Variants in KITLG observed in about 807,000 individuals in gnomAD.
The protein encoded by KITLG is KIT ligand, also known as c-Kit ligand.
Under a neutral mutation model 34.1 loss-of-function variants are expected in KITLG, and 13 were observed. That is an observed-to-expected ratio of 0.38 (90% CI 0.25 to 0.61). The LOEUF is 0.61. Among genes scored for constraint, KITLG ranks in the 20% least tolerant of loss-of-function variants. The pLI, the probability that KITLG is intolerant of heterozygous loss-of-function variation, is 0.60. For synonymous variants in KITLG, 110 were observed against 104.0 expected (o/e 1.06, Z -0.35); for missense variants, 292 against 318.9 (o/e 0.92, Z 0.64).
chr12:88,501,862 A>T (rs1868872367), intron 9 of KITLG, among the ~76,000 whole-genome samples: 1 of 152,076 alleles, frequency 6.6e-6, no homozygotes, highest in Non-Finnish European at 1.5e-5. Flanking sequence ...GTTATTCATC[A>T]TTTATATGTG....
chr12:88,534,204 A>G (rs1353062776), intron 2 of KITLG, among the ~76,000 whole-genome samples: 2 of 152,132 alleles, frequency 1.3e-5, no homozygotes, highest in African/African-American at 4.8e-5. Flanking sequence ...TGTTAAGTCT[A>G]GACTAGAACT....
At chr12:88,539,566 T>G (rs1443043618) in intron 2 of KITLG, among the ~76,000 whole-genome samples, 1 of 151,826 alleles carries the variant, frequency 6.6e-6, no homozygotes, top group African/African-American at 2.4e-5. Context: ...ACCAACCAGG[T>G]GTATTACCTA....
intron 8 of KITLG, among the ~76,000 whole-genome samples, chr12:88,505,452 T>C (rs1206053755): frequency 6.6e-6 from 1 of 152,242 alleles, no homozygotes; most frequent in Non-Finnish European, 1.5e-5. Context: ...TTTCTTTCTC[T>C]GTATATGCAT....
At chr12:88,510,650 G>T (rs893839243) in intron 6 of KITLG, among the ~76,000 whole-genome samples, 1 of 152,130 alleles carries the variant, frequency 6.6e-6, no homozygotes, top group Admixed American at 6.6e-5. Context: ...TTATCATAAA[G>T]GATATTACTG....
At chr12:88,504,391 G>C (rs982927276) in intron 9 of KITLG, among the ~76,000 whole-genome samples, 2 of 151,922 alleles carry the variant, frequency 1.3e-5, no homozygotes, top group African/African-American at 2.4e-5. Flanking sequence ...TCCAGAATCT[G>C]CAAAGAACTT....
At chr12:88,500,634 T>C (rs1465976850) in intron 9 of KITLG, among the ~76,000 whole-genome samples, 1 of 152,198 alleles carries the variant, frequency 6.6e-6, no homozygotes, top group Non-Finnish European at 1.5e-5. Context: ...TCTATCTTAA[T>C]CTTTGCTATC....
chr12:88,575,927 T>C (rs1179069176), intron 1 of KITLG, among the ~76,000 whole-genome samples: 2 of 149,992 alleles, frequency 1.3e-5, no homozygotes, highest in African/African-American at 4.9e-5. Context: ...GAAAAAAAAA[T>C]GTCACTGCAC....
At chr12:88,566,615 T>C (rs934614857) in intron 1 of KITLG, among the ~76,000 whole-genome samples, 17 of 152,168 alleles carry the variant, frequency 1.1e-4, no homozygotes, top group African/African-American at 3.9e-4. Flanking sequence ...AGTGCAGCAA[T>C]ATTGGTATGT....
At chr12:88,497,653 A>T (rs531992918) in intron 9 of KITLG, among the ~76,000 whole-genome samples, 1 of 152,190 alleles carries the variant, frequency 6.6e-6, no homozygotes, top group South Asian at 2.1e-4. Context: ...GGTAGTAAAC[A>T]GGGGTGAAGG....
chr12:88,541,806 A>C (rs1322556234), intron 2 of KITLG, among the ~76,000 whole-genome samples: 1 of 150,886 alleles, frequency 6.6e-6, no homozygotes, highest in Non-Finnish European at 1.5e-5. Context: ...CAAAGTGTTC[A>C]AGAAGAAATT....
At chr12:88,525,944 A>G (rs988358058) in intron 3 of KITLG, among the ~76,000 whole-genome samples, 12 of 152,316 alleles carry the variant, frequency 7.9e-5, no homozygotes, top group East Asian at 7.7e-4. Context: ...GACCACTAAG[A>G]TGGGTTAAGC....
At chr12:88,510,364 T>C (rs531249667) in intron 6 of KITLG, among the ~76,000 whole-genome samples, 195 of 152,272 alleles carry the variant, frequency 1.3e-3, no homozygotes, top group African/African-American at 4.6e-3. Flanking sequence ...TACTTAATGA[T>C]GAACTCTTAT....
chr12:88,547,202 T>G (rs1161433644), intron 1 of KITLG, among the ~76,000 whole-genome samples: 1 of 152,240 alleles, frequency 6.6e-6, no homozygotes, highest in Non-Finnish European at 1.5e-5. Context: ...CTAGCCATAT[T>G]AAAAAGGAAC....
At chr12:88,546,442 G>A (rs1566030019) in intron 1 of KITLG, among the ~76,000 whole-genome samples, 1 of 152,150 alleles carries the variant, frequency 6.6e-6, no homozygotes, top group Non-Finnish European at 1.5e-5. Flanking sequence ...TATTTCCTTA[G>A]CCAACAGGAA....
intron 3 of KITLG, among the ~76,000 whole-genome samples, chr12:88,520,217 C>T (rs1168089567): frequency 6.6e-6 from 1 of 152,176 alleles, no homozygotes; most frequent in East Asian, 1.9e-4. Flanking sequence ...AGAACAGAGT[C>T]TTTGTTTTGT....
intron 1 of KITLG, among the ~76,000 whole-genome samples, chr12:88,549,983 A>C (rs1870840378): frequency 6.6e-6 from 1 of 152,166 alleles, no homozygotes; most frequent in Non-Finnish European, 1.5e-5. Flanking sequence ...TTATAGGCCG[A>C]GTAAGATAAG....
chr12:88,521,967 T>C (rs1869685134), intron 3 of KITLG, among the ~76,000 whole-genome samples: 1 of 152,182 alleles, frequency 6.6e-6, no homozygotes, highest in Non-Finnish European at 1.5e-5. Flanking sequence ...GATATTGGAC[T>C]GCTAGCATCT....
intron 1 of KITLG, among the ~76,000 whole-genome samples, chr12:88,551,759 A>T (rs1329141423): frequency 2.6e-5 from 4 of 152,194 alleles, no homozygotes; most frequent in Non-Finnish European, 1.5e-5. Flanking sequence ...GGCCCCAAAG[A>T]TGTCCATGTC....
In KITLG at chr12:88,505,406, T is replaced by C. The variant is rs970535611; in HGVS notation, c.783-171A>G. Among the ~76,000 whole-genome samples the C allele has an allele frequency of 3.9e-5, 6 of 152,196 alleles. No homozygotes were observed. In the South Asian group the frequency reaches 6.2e-4, roughly 16 times the overall value. On this transcript the variant is annotated intron_variant, in intron 8 of 9. Coordinates refer to ENST00000644744, the MANE Select transcript of KITLG (RefSeq NM_000899.5). ...ACTATAGGGAAGAGGGAAGACTTCA[T>C]TTGTCTTAAGGTAGTCTTTCCAAGT...
Sources: gnomAD v4.1 joint callset for allele counts (sites outside exome capture counted in the v4.1 genomes callset) on GRCh38, gnomAD v4.1.1 for gene constraint, MANE v1.5 for transcripts, NCBI Gene and HGNC (gene_info 2026-07-23, HGNC 2026-07-21) for gene names.